Variants in MTUS2 observed in about 807,000 individuals in gnomAD.
The protein encoded by MTUS2 is microtubule associated scaffold protein 2.
MTUS2 carries 40 observed loss-of-function variants against 114.1 expected under a neutral mutation model. The ratio of observed to expected loss-of-function variants is 0.35; its 90% CI spans 0.27 to 0.46. The LOEUF is 0.46. Ranked by LOEUF, MTUS2 falls within the 20% of genes least tolerant of loss-of-function variation. The pLI, the probability that MTUS2 is intolerant of heterozygous loss-of-function variation, is 1.00. For missense variants in MTUS2, 1,679 were observed against 1,705.4 expected (o/e 0.98, Z 0.27); for synonymous variants, 688 against 672.0 (o/e 1.02, Z -0.37).
chr13:29,203,397 T>G (rs921369795), intron 5 of MTUS2, among the ~76,000 whole-genome samples: 17 of 152,148 alleles, frequency 1.1e-4, no homozygotes, highest in African/African-American at 3.6e-4. Context: ...GACTTCAGAC[T>G]GCTGTGCTGG....
chr13:29,315,702 C>A (rs745423359), intron 6 of MTUS2, among the ~76,000 whole-genome samples: 3 of 152,024 alleles, frequency 2.0e-5, no homozygotes, highest in African/African-American at 7.3e-5. Flanking sequence ...GAAATGAGAG[C>A]AAGCATGTGA....
chr13:29,214,580 G>T (rs1189365988), intron 5 of MTUS2, among the ~76,000 whole-genome samples: 1 of 152,132 alleles, frequency 6.6e-6, no homozygotes, highest in Non-Finnish European at 1.5e-5. Flanking sequence ...CTCAGCATTT[G>T]CTTGTCTGTA....
At chr13:29,149,830 G>C (rs1892596224) in intron 5 of MTUS2, among the ~76,000 whole-genome samples, 1 of 152,106 alleles carries the variant, frequency 6.6e-6, no homozygotes, top group South Asian at 2.1e-4. Flanking sequence ...TTGTAGGTGT[G>C]GGGTCTTATT....
chr13:29,366,506 G>A lies in MTUS2; in HGVS notation c.3117+7033G>A, dbSNP rs943777305. ...TTTAAATACCAGAAAATCATCGCCC[G>A]CTAGCTCAGTTGGTAGAGCATGACA... is the stretch of plus-strand genomic sequence containing the variant. On this transcript the variant is annotated intron_variant, in intron 8 of 15. Transcript: ENST00000612955. Among the ~76,000 whole-genome samples the A allele has an allele frequency of 4.6e-5, 7 of 152,064 alleles. No individual in the cohort carries two copies. The East Asian group carries it at 7.7e-4, about 17-fold the overall frequency.
Position 29,324,727 on chromosome 13 carries a change from G to T in MTUS2, c.2905+16G>T, listed in dbSNP as rs200750543. On this transcript the variant is annotated intron_variant, in intron 7 of 15. Coordinates refer to ENST00000612955, the MANE Select transcript of MTUS2 (RefSeq NM_001033602.4). ...CATTCACCAGGTATGTAAGAAATAT[G>T]ATGTGTTCCTTGGGGGAATGACTTG... 12 of 1,570,862 alleles carry T rather than the reference G, an allele frequency of 7.6e-6. No homozygotes were observed. The South Asian group carries it at 1.3e-4, about 17-fold the overall frequency.
intron 2 of MTUS2, among the ~76,000 whole-genome samples, chr13:28,990,548 A>G (rs1455976753): frequency 1.3e-5 from 2 of 152,176 alleles, no homozygotes; most frequent in Non-Finnish European, 2.9e-5. Context: ...GTGTCTAGCT[A>G]AAGGATTGTA....
intron 2 of MTUS2, among the ~76,000 whole-genome samples, chr13:28,850,449 A>G (rs1350984489): frequency 6.6e-6 from 1 of 152,246 alleles, no homozygotes; most frequent in East Asian, 1.9e-4. Flanking sequence ...CTGCTGGGCT[A>G]GGCATTCTGT....
intron 2 of MTUS2, among the ~76,000 whole-genome samples, chr13:28,940,711 G>A (rs749102416): frequency 2.0e-5 from 3 of 152,056 alleles, no homozygotes; most frequent in Non-Finnish European, 4.4e-5. Flanking sequence ...GGTAAAGAAG[G>A]AAATAGTGAA....
intron 5 of MTUS2, among the ~76,000 whole-genome samples, chr13:29,255,895 G>A (rs1480389968): frequency 6.6e-6 from 1 of 152,206 alleles, no homozygotes; most frequent in Non-Finnish European, 1.5e-5. Context: ...AGACAGACCT[G>A]AATTTGAAGT....
chr13:28,896,968 T>G (rs1445261647), intron 2 of MTUS2, among the ~76,000 whole-genome samples: 2 of 152,148 alleles, frequency 1.3e-5, no homozygotes, highest in Non-Finnish European at 2.9e-5. Context: ...AACCTAGGCA[T>G]TACCATTCGG....
chr13:29,306,263 A>G (rs560170902), intron 6 of MTUS2, among the ~76,000 whole-genome samples: 1 of 152,336 alleles, frequency 6.6e-6, no homozygotes, highest in East Asian at 1.9e-4. Context: ...CTCCTATTCA[A>G]CATAGTATTG....
chr13:29,392,842 C>T (rs1021305492), intron 8 of MTUS2, among the ~76,000 whole-genome samples: 4 of 152,138 alleles, frequency 2.6e-5, no homozygotes, highest in Non-Finnish European at 5.9e-5. Flanking sequence ...AAAAATGCCA[C>T]TGAAGTGTAC....
chr13:29,220,565 A>G (rs1418850204), intron 5 of MTUS2, among the ~76,000 whole-genome samples: 1 of 152,170 alleles, frequency 6.6e-6, no homozygotes, highest in African/African-American at 2.4e-5. Context: ...AAGGAGAGGG[A>G]GAGGGACAGG....
At chr13:29,187,263 A>C (rs905321087) in intron 5 of MTUS2, among the ~76,000 whole-genome samples, 5 of 152,130 alleles carry the variant, frequency 3.3e-5, no homozygotes, top group Non-Finnish European at 5.9e-5. Flanking sequence ...GAGAGAAAGT[A>C]AATGAAATAG....
intron 5 of MTUS2, among the ~76,000 whole-genome samples, chr13:29,269,937 G>T (rs1319081626): frequency 6.6e-6 from 1 of 152,150 alleles, no homozygotes; most frequent in Non-Finnish European, 1.5e-5. Flanking sequence ...ATTATCCTAA[G>T]TGAAATAAGC....
chr13:28,933,118 AACACACACACACACAC>A (rs59162969), intron 2 of MTUS2, among the ~76,000 whole-genome samples: 21 of 145,328 alleles, frequency 1.4e-4, no homozygotes, highest in South Asian at 4.5e-4. Context: ...GGAGAATCAG[AACACACACACACACAC>A]ACACACACAC....
intron 2 of MTUS2, among the ~76,000 whole-genome samples, chr13:28,975,460 C>T (rs951339494): frequency 6.8e-6 from 1 of 146,580 alleles, no homozygotes; most frequent in Non-Finnish European, 1.5e-5. Flanking sequence ...CGTTTCCAAT[C>T]TCGCCTGCGG....
Position 29,025,492 on chromosome 13 carries a change from A to G in MTUS2, c.794A>G (p.His265Arg), listed in dbSNP as rs769706842. 6.2e-6 allele frequency: 10 copies of G among 1,613,556 alleles called. No homozygotes were observed. In the East Asian group the frequency reaches 1.8e-4, roughly 29 times the overall value. ...TPSETQTVGA[H>R]VLQVCSEHTS... is the part of the protein sequence containing the mutation. Reference sequence around the variant, plus strand: ...TCAGAGACCCAAACAGTGGGGGCACATGTACTGCAGGTGTGCAGTGAGCAC... The same window carrying G: ...TCAGAGACCCAAACAGTGGGGGCACGTGTACTGCAGGTGTGCAGTGAGCAC... The change falls in exon 3 of 16, where the codon CAT becomes CGT. Residue 265 changes from histidine (H) to arginine (R), a missense_variant. This residue lies in a region of MTUS2 where 843 missense variants were observed against 770.8 expected (regional missense o/e 1.09). Coordinates refer to ENST00000612955, the MANE Select transcript of MTUS2 (RefSeq NM_001033602.4).
At chr13:29,040,613 C>T (rs1887307544) in intron 4 of MTUS2, among the ~76,000 whole-genome samples, 1 of 152,196 alleles carries the variant, frequency 6.6e-6, no homozygotes, top group Non-Finnish European at 1.5e-5. Flanking sequence ...ACCACATCCA[C>T]ACCAACATCT....
Sources: allele counts gnomAD v4.1 joint callset (sites outside exome capture counted in the v4.1 genomes callset), GRCh38; gene constraint gnomAD v4.1.1; regional missense constraint gnomAD v4.1.1; transcripts MANE v1.5; gene names NCBI Gene and HGNC (gene_info 2026-07-23, HGNC 2026-07-21).